IL17RE: variants seen among roughly 807,000 people sequenced by gnomAD.
IL17RE encodes the protein interleukin-17 receptor E.
A neutral mutation model predicts 70.7 loss-of-function variants in IL17RE; 47 were observed. The observed-to-expected ratio is 0.67, with a 90% CI of 0.53 to 0.85. The LOEUF (loss-of-function observed/expected upper bound fraction) is 0.85, where lower values mean the gene tolerates loss of function less well. Among genes scored for constraint, IL17RE ranks in the 40% least tolerant of loss-of-function variants. IL17RE has a pLI of 0.00. For synonymous variants in IL17RE, 372 were observed against 381.2 expected, an observed-to-expected ratio of 0.98 and a Z score of 0.28; for missense variants, 850 against 893.9, an observed-to-expected ratio of 0.95 and a Z score of 0.63.
Position 9,906,698 on chromosome 3 carries a change from G to C in IL17RE, c.367-8G>C, listed in dbSNP as rs184185564. The C allele has an allele frequency of 5.8e-5, 94 of 1,614,160 alleles. No homozygotes were observed. In the African/African-American group the frequency reaches 1.1e-3, roughly 19 times the overall value. On this transcript the variant is annotated splice_polypyrimidine_tract_variant and splice_region_variant and intron_variant, in intron 4 of 15. Transcript: ENST00000383814. ...TGGCCTGAGGCCAACCTTGTTCTCT[G>C]CCTTTAGAGGAAGCTGCTGCCTCGT...
chr3:9,914,154 T>C (rs781626681), intron 13 of IL17RE, 130 bp downstream of exon 13: 201 of 766,354 alleles, frequency 2.6e-4, no homozygotes, highest in Non-Finnish European at 1.5e-4. Context: ...TTGAAATTGC[T>C]TACCACCATT....
In IL17RE at chr3:9,911,125, A is replaced by G; in HGVS notation, c.979-2A>G. 6.2e-7 allele frequency: 1 copy of G among 1,614,146 alleles called. No individual in the cohort carries two copies. The highest frequency in any genetic ancestry group is 1.1e-5 in the South Asian group (1 of 91,084). On this transcript the variant is annotated splice_acceptor_variant, in intron 9 of 15. Coordinates refer to ENST00000383814, the MANE Select transcript of IL17RE (RefSeq NM_153480.2). LOFTEE classifies it high-confidence loss of function. Reference sequence around the variant, plus strand: ...CTGATGAACTCTCCTCTCCTCCCACAGTGGTATGTTTTGGAGAAGGTGGAC... The same window carrying G: ...CTGATGAACTCTCCTCTCCTCCCACGGTGGTATGTTTTGGAGAAGGTGGAC...
At chr3:9,906,891 G>A in intron 5 of IL17RE, 26 bp downstream of exon 5, 2 of 1,614,142 alleles carry the variant, frequency 1.2e-6, no homozygotes, top group Non-Finnish European at 1.7e-6. Context: ...AACAGGAGAT[G>A]GGTTCAGCTG....
Position 9,904,045 on chromosome 3 carries a change from T to C in IL17RE, c.162T>C (p.Tyr54=). 6.2e-7 allele frequency: 1 copy of C among 1,614,152 alleles called. No homozygotes were observed. Among genetic ancestry groups the C allele is most frequent in the Non-Finnish European group, 8.5e-7 (1 of 1,180,000 alleles). Residue 54 remains tyrosine, a synonymous_variant, in exon 3 of 16, where the codon TAT becomes TAC. Coordinates refer to ENST00000383814, the MANE Select transcript of IL17RE (RefSeq NM_153480.2). Reference sequence around the variant, plus strand: ...CATCTTTCCCAGGAAGTTCTGCCTATATCCCTTGCCGCACCTGGTGGGCCC... The same window carrying C: ...CATCTTTCCCAGGAAGTTCTGCCTACATCCCTTGCCGCACCTGGTGGGCCC... ...TDDSFTGSSA[Y]IPCRTWWALF...
At position 9,916,183 on chromosome 3, in the gene IL17RE, T is replaced by G; in HGVS notation, c.*376T>G. The G allele has an allele frequency of 5.6e-6, 1 of 179,964 alleles. No individual in the cohort carries two copies. The highest frequency in any genetic ancestry group is 1.2e-5 in the Non-Finnish European group (1 of 86,864). 11.1% of individuals were successfully genotyped at this position (179,964 alleles called of 1,614,324 possible). ...GAAGGAGGGTGAGGCGGTGGGGGAT[T>G]GCAGGGGGCGGCTGAGAGAAAACCT... On this transcript the variant is annotated 3_prime_UTR_variant, in exon 16 of 16. Coordinates refer to ENST00000383814, the MANE Select transcript of IL17RE (RefSeq NM_153480.2).
chr3:9,915,771 C>T lies in IL17RE; in HGVS notation c.1968C>T (p.Leu656=), dbSNP rs1056286. 0.47 allele frequency: 711,718 copies of T among 1,529,262 alleles called. 170,860 individuals carry two copies. The highest frequency in any genetic ancestry group is 0.5 in the Middle Eastern group (2,586 of 5,178). The allele number at this position is 1,529,262 out of a possible 1,614,324, so 94.7% of individuals were successfully genotyped here. ...GCCGCCTAGAGCTGTGCAGCCGGCT[C>T]GAACGAGAGGCCGCCCGACTTGCAG... ...RQSRLELCSR[L]EREAARLADL... is the part of the protein sequence containing the mutation. The change falls in exon 16 of 16, where the codon CTC becomes CTT. Residue 656 remains leucine (L), a synonymous_variant. Coordinates refer to ENST00000383814, the MANE Select transcript of IL17RE (RefSeq NM_153480.2). The surrounding 1 kb of genome is among the most constrained non-coding windows in gnomAD (Gnocchi z 4.9).
chr3:9,907,129 C>T (rs777760219), intron 6 of IL17RE, 29 bp downstream of exon 6: 17 of 1,613,314 alleles, frequency 1.1e-5, no homozygotes, highest in Non-Finnish European at 1.4e-5. Flanking sequence ...CTGTAAAAAG[C>T]CCGATCACAC....
At position 9,902,848 on chromosome 3, in the gene IL17RE, G is replaced by A. The variant is rs1400235751; in HGVS notation, c.-85G>A. On this transcript the variant is annotated 5_prime_UTR_variant, in exon 1 of 16. The change creates a new upstream start codon in the 5' untranslated region. Transcript: ENST00000383814. ...TGGGGCGAGGGCTCCTGCTGGTACT[G>A]TGTTCGCTGCTGCACAGCAAGGCCC... is the stretch of plus-strand genomic sequence containing the variant. 6 of 1,609,234 alleles carry A rather than the reference G, an allele frequency of 3.7e-6. No homozygotes were observed. The East Asian group carries it at 1.1e-4, about 30-fold the overall frequency.
chr3:9,907,631 AT>A (rs1343478471), intron 6 of IL17RE, among the ~76,000 whole-genome samples: 1 of 152,192 alleles, frequency 6.6e-6, no homozygotes. Context: ...AGAAAAAAGA[AT>A]TGTTAATTAA....
chr3:9,902,585 A>G, upstream of IL17RE: 1 of 1,523,390 alleles, frequency 6.6e-7, no homozygotes, highest in Non-Finnish European at 8.8e-7. Flanking sequence ...TCAGATCTGC[A>G]GTGTGTTTCA....
chr3:9,910,791 C>A (rs545085113), intron 8 of IL17RE, 74 bp from the exon 9 acceptor site: 18 of 1,356,316 alleles, frequency 1.3e-5, no homozygotes, highest in Non-Finnish European at 1.7e-5. Context: ...TCTCCAGCTG[C>A]CCCCAGGATG....
chr3:9,902,773 C>A (rs1363140296), upstream of IL17RE: 2 of 1,539,686 alleles, frequency 1.3e-6, no homozygotes, highest in Admixed American at 2.0e-5. Flanking sequence ...GCCTGGCTGG[C>A]TGGTTGGGAT....
rs531119371 is a variant in IL17RE at position 9,906,721 on chromosome 3, C to T, written c.382C>T (p.Arg128Cys). 34 of 1,614,156 alleles carry T rather than the reference C, an allele frequency of 2.1e-5. No homozygotes were observed. The highest frequency in any genetic ancestry group is 4.4e-5 in the South Asian group (4 of 91,084). Residue 128 changes from arginine (R) to cysteine (C), a missense_variant, in exon 5 of 16, where the codon CGT (arginine) becomes TGT (cysteine). Transcript: ENST00000383814. ...PAPAQRKLLP[R>C]RHLSEKSHHI... ...CTGCCTTTAGAGGAAGCTGCTGCCT[C>T]GTCGTCACCTGTCTGAGAAGAGCCA...
In IL17RE at chr3:9,915,326, T is replaced by G. The variant is rs1005167246; in HGVS notation, c.1523T>G (p.Leu508Arg). ...SEAQRRLVGALAELLRAALGG... is the reference protein window; with the variant it reads ...SEAQRRLVGARAELLRAALGG... The stretch of plus-strand genomic sequence containing the variant: ...GCGCAGCGGCGCCTGGTGGGAGCGC[T>G]GGCTGAACTGCTACGGGCAGCGCTG... The change falls in exon 16 of 16, where the codon CTG becomes CGG. Residue 508 changes from leucine (L) to arginine (R), a missense_variant. Coordinates refer to ENST00000383814, the MANE Select transcript of IL17RE (RefSeq NM_153480.2). The surrounding 1 kb of genome is among the most constrained non-coding windows in gnomAD (Gnocchi z 4.9). 2.9e-6 allele frequency: 4 copies of G among 1,397,096 alleles called. No homozygotes were observed. The highest frequency in any genetic ancestry group is 1.6e-5 in the South Asian group (1 of 62,466). 86.5% of individuals were successfully genotyped at this position (1,397,096 alleles called of 1,614,324 possible). A position where few individuals can be genotyped will look rare whatever the true frequency, so the allele number is the denominator to read the frequency against.
rs2082973404 is a variant in IL17RE, at chr3:9,914,743, T to C, written c.1413T>C (p.Val471=). Residue 471 remains valine (V), a synonymous_variant, in exon 15 of 16, where the codon GTT becomes GTC. Coordinates refer to ENST00000383814, the MANE Select transcript of IL17RE (RefSeq NM_153480.2). ...TGGCCCTCCTCACCCTACTGGGTGT[T>C]GTTCTGGCCCTCACCTGCCGGCGCC... ...ALLALLTLLG[V]VLALTCRRPQ... 1 of 1,613,884 alleles carries C rather than the reference T, an allele frequency of 6.2e-7. No homozygotes were observed. Among genetic ancestry groups the C allele is most frequent in the South Asian group, 1.1e-5 (1 of 91,086 alleles).
rs759942695 is a variant in IL17RE at position 9,914,527 on chromosome 3, TG to T, written c.1297-15del. The T allele has an allele frequency of 1.1e-5, 18 of 1,613,100 alleles. No individual in the cohort carries two copies. The highest frequency in any genetic ancestry group is 1.4e-5 in the Non-Finnish European group (17 of 1,179,710). ...GGAGAAGATGCCTGGCTCATAGGGG[TG>T]GGGGGCTCTGTGCCCTCAGGTGTGG... On this transcript the variant is annotated intron_variant, in intron 13 of 15. Coordinates refer to ENST00000383814, the MANE Select transcript of IL17RE (RefSeq NM_153480.2).
chr3:9,915,128 C>T lies in IL17RE; in HGVS notation c.1448-123C>T. 2.4e-6 allele frequency: 3 copies of T among 1,256,852 alleles called. No individual in the cohort carries two copies. The highest frequency in any genetic ancestry group is 5.0e-5 in the South Asian group (2 of 40,080). 77.9% of individuals were successfully genotyped at this position (1,256,852 alleles called of 1,614,324 possible). On this transcript the variant is annotated intron_variant, in intron 15 of 15. Coordinates refer to ENST00000383814, the MANE Select transcript of IL17RE (RefSeq NM_153480.2). The surrounding 1 kb of genome is among the most constrained non-coding windows in gnomAD (Gnocchi z 4.9). ...CTGTTTTCGGTACCAACCCCCAGAG[C>T]AAATAAGGGGCGGGGGCGGGGGCGG...
chr3:9,915,650 T>G lies in IL17RE; in HGVS notation c.1847T>G (p.Leu616Arg). 7.1e-7 allele frequency: 1 copy of G among 1,407,524 alleles called. No homozygotes were observed. The highest frequency in any genetic ancestry group is 9.2e-7 in the Non-Finnish European group (1 of 1,086,916). The allele number at this position is 1,407,524 out of a possible 1,614,324, so 87.2% of individuals were successfully genotyped here. ...PLRALPRYRLLRDLPRLLRAL... is the reference protein window; with the variant it reads ...PLRALPRYRLRRDLPRLLRAL... ...CGCGCCCTGCCGCGCTACCGCCTGC[T>G]GCGCGACCTGCCGCGTCTGCTGCGG... is the stretch of plus-strand genomic sequence containing the variant. The change falls in exon 16 of 16, where the codon CTG becomes CGG. Residue 616 changes from leucine to arginine, a missense_variant. Leu to Arg is a moderately radical substitution (Grantham distance 102). Coordinates refer to ENST00000383814, the MANE Select transcript of IL17RE (RefSeq NM_153480.2). The surrounding 1 kb of genome is among the most constrained non-coding windows in gnomAD (Gnocchi z 4.9).
Position 9,902,952 on chromosome 3 carries a change from C to T in IL17RE, c.20C>T (p.Ala7Val), listed in dbSNP as rs12492494. The T allele has an allele frequency of 8.4e-3, 13,632 of 1,614,230 alleles. 90 individuals are homozygous for T. Among genetic ancestry groups the T allele is most frequent in the Middle Eastern group, 0.022 (134 of 6,062 alleles). The change falls in exon 1 of 16, where the codon GCA becomes GTA. Residue 7 changes from alanine (A) to valine (V), a missense_variant. By Grantham distance (64) the Ala-to-Val change is moderately conservative (BLOSUM62 0). Coordinates refer to ENST00000383814, the MANE Select transcript of IL17RE (RefSeq NM_153480.2). Reference protein sequence around the residue: MGSSRLAALLLPLLLIV... With the variant: MGSSRLVALLLPLLLIV... ...AAGCCCATGGGGAGCTCCAGACTGG[C>T]AGCCCTGCTCCTGCCTCTCCTCCTC... is the stretch of plus-strand genomic sequence containing the variant.
Sources: allele counts gnomAD v4.1 joint callset (sites outside exome capture counted in the v4.1 genomes callset), GRCh38; gene constraint gnomAD v4.1.1; non-coding constraint Gnocchi (gnomAD v3.1); transcripts MANE v1.5; gene names NCBI Gene and HGNC (gene_info 2026-07-23, HGNC 2026-07-21).